BTBD9: variants seen among roughly 807,000 people sequenced by gnomAD.
BTBD9 encodes the protein BTB/POZ domain-containing protein 9.
A neutral mutation model predicts 64.3 loss-of-function variants in BTBD9; 49 were observed. The ratio of observed to expected loss-of-function variants is 0.76; its 90% CI spans 0.61 to 0.97. The LOEUF (loss-of-function observed/expected upper bound fraction) is 0.97. Ranked by LOEUF, BTBD9 falls within the 50% of genes least tolerant of loss-of-function variation. BTBD9 has a pLI of 0.00. For missense variants in BTBD9, 598 were observed against 762.1 expected, an observed-to-expected ratio of 0.78 and a Z score of 2.53; for synonymous variants, 260 against 274.7, an observed-to-expected ratio of 0.95 and a Z score of 0.53.
At chr6:38,513,763 G>A (rs1382874491) in intron 6 of BTBD9, among the ~76,000 whole-genome samples, 1 of 152,172 alleles carries the variant, frequency 6.6e-6, no homozygotes, top group Non-Finnish European at 1.5e-5. Context: ...TATTCAAGTG[G>A]TGGCTTTTTT....
intron 6 of BTBD9, among the ~76,000 whole-genome samples, chr6:38,448,490 T>C (rs991925296): frequency 6.6e-6 from 1 of 152,168 alleles, no homozygotes; most frequent in East Asian, 1.9e-4. Context: ...CCAGTTCCTA[T>C]CCCGCTCTTT....
At chr6:38,208,893 A>C (rs571847541) in intron 9 of BTBD9, among the ~76,000 whole-genome samples, 1 of 152,278 alleles carries the variant, frequency 6.6e-6, no homozygotes, top group East Asian at 1.9e-4. Context: ...GGCAGCAAAA[A>C]ACCGTGTTAG....
intron 6 of BTBD9, among the ~76,000 whole-genome samples, chr6:38,460,016 T>C (rs1230557934): frequency 6.6e-6 from 1 of 152,222 alleles, no homozygotes; most frequent in Admixed American, 6.5e-5. Flanking sequence ...GCTTATGATA[T>C]AAATTTCAAT....
intron 9 of BTBD9, among the ~76,000 whole-genome samples, chr6:38,207,547 T>G (rs1290295999): frequency 6.6e-6 from 1 of 152,102 alleles, no homozygotes; most frequent in Non-Finnish European, 1.5e-5. Context: ...CACCTGAGCC[T>G]GGGGGATCAG....
chr6:38,200,982 G>A (rs1483845588), intron 9 of BTBD9, among the ~76,000 whole-genome samples: 3 of 151,662 alleles, frequency 2.0e-5, no homozygotes. Flanking sequence ...ATTGTGCCAT[G>A]ACATGCCAGC....
intron 6 of BTBD9, among the ~76,000 whole-genome samples, chr6:38,346,923 C>G (rs1360154791): frequency 6.6e-6 from 1 of 152,204 alleles, no homozygotes; most frequent in Non-Finnish European, 1.5e-5. Flanking sequence ...TCGCTATTCT[C>G]TAGCTCAAGT....
intron 10 of BTBD9, among the ~76,000 whole-genome samples, chr6:38,177,667 C>T (rs1055785960): frequency 9.9e-5 from 15 of 152,188 alleles, no homozygotes; most frequent in African/African-American, 3.6e-4. Flanking sequence ...GTGGTGAGCA[C>T]GTGATAGACA....
chr6:38,353,878 A>G (rs1203159322), intron 6 of BTBD9, among the ~76,000 whole-genome samples: 4 of 152,208 alleles, frequency 2.6e-5, no homozygotes, highest in Admixed American at 6.5e-5. Context: ...GACCTGTAAC[A>G]TGCCTGCTAC....
intron 9 of BTBD9, among the ~76,000 whole-genome samples, chr6:38,229,586 A>T (rs762091396): frequency 6.6e-6 from 1 of 152,188 alleles, no homozygotes; most frequent in Non-Finnish European, 1.5e-5. Context: ...ATATATGAAC[A>T]CCTGGCAGAC....
intron 6 of BTBD9, among the ~76,000 whole-genome samples, chr6:38,433,482 G>A (rs561510741): frequency 7.9e-5 from 12 of 151,912 alleles, no homozygotes; most frequent in Admixed American, 2.0e-4. Flanking sequence ...GATTAACCTT[G>A]TGAAATTCCT....
At chr6:38,192,803 C>T (rs1441532230) in intron 9 of BTBD9, among the ~76,000 whole-genome samples, 10 of 151,626 alleles carry the variant, frequency 6.6e-5, no homozygotes. Context: ...AGCTTACAAT[C>T]CCATCACAGA....
chr6:38,181,910 C>T (rs1055766788), intron 10 of BTBD9, among the ~76,000 whole-genome samples: 9 of 152,126 alleles, frequency 5.9e-5, no homozygotes, highest in Admixed American at 2.6e-4. Flanking sequence ...ATTGCTTGAA[C>T]GTGGGAGGCG....
chr6:38,358,952 T>C (rs910797533), intron 6 of BTBD9, among the ~76,000 whole-genome samples: 1 of 151,834 alleles, frequency 6.6e-6, no homozygotes, highest in African/African-American at 2.4e-5. Context: ...TTTGTATTTT[T>C]AGTAGAGACG....
At chr6:38,241,224 TC>T (rs1223900106) in intron 9 of BTBD9, among the ~76,000 whole-genome samples, 1 of 152,228 alleles carries the variant, frequency 6.6e-6, no homozygotes, top group Non-Finnish European at 1.5e-5. Context: ...ACAAGTTCTC[TC>T]CTCTAATAGA....
intron 9 of BTBD9, among the ~76,000 whole-genome samples, chr6:38,253,678 T>C (rs962194657): frequency 1.3e-5 from 2 of 152,176 alleles, no homozygotes; most frequent in African/African-American, 4.8e-5. Flanking sequence ...GTCTGGGAGC[T>C]GTGGACCCAA....
At chr6:38,559,876 T>C (rs150953400) in intron 6 of BTBD9, among the ~76,000 whole-genome samples, 106 of 152,284 alleles carry the variant, frequency 7.0e-4, no homozygotes, top group African/African-American at 2.5e-3. Context: ...GCTGGTCATA[T>C]GCAGAAAAAT....
chr6:38,207,310 G>T (rs761920243), intron 9 of BTBD9: 2 of 245,044 alleles, frequency 8.2e-6, no homozygotes, highest in Non-Finnish European at 1.8e-5. Flanking sequence ...GCTGAATCCA[G>T]AGTTGATATG....
intron 6 of BTBD9, among the ~76,000 whole-genome samples, chr6:38,377,916 T>C (rs73730948): frequency 0.015 from 2,225 of 152,328 alleles, 55 homozygotes; most frequent in African/African-American, 0.05. Flanking sequence ...AGATTCCTTC[T>C]TGAAAAAGAT....
intron 6 of BTBD9, among the ~76,000 whole-genome samples, chr6:38,563,776 CTT>C (rs57927975): frequency 2.3e-3 from 257 of 113,570 alleles, no homozygotes; most frequent in African/African-American, 8.7e-3. Context: ...GCCTATCTAA[CTT>C]TTTTTTTTTT....
Sources: allele counts gnomAD v4.1 joint callset (sites outside exome capture counted in the v4.1 genomes callset), GRCh38; gene constraint gnomAD v4.1.1; transcripts MANE v1.5; gene names NCBI Gene and HGNC (gene_info 2026-07-23, HGNC 2026-07-21).